Variants in PLBD2 observed in about 807,000 individuals in gnomAD.
The protein encoded by PLBD2 is putative aminopeptidase PLBD2.
A neutral mutation model predicts 68.3 loss-of-function variants in PLBD2; 51 were observed. The ratio of observed to expected loss-of-function variants is 0.75; its 90% CI spans 0.60 to 0.94. PLBD2 has a LOEUF of 0.94. Among genes scored for constraint, PLBD2 ranks in the 40% least tolerant of loss-of-function variants. PLBD2 has a pLI of 0.00. For synonymous variants in PLBD2, 314 were observed against 339.3 expected, an observed-to-expected ratio of 0.93 and a Z score of 0.82; for missense variants, 729 against 792.2, an observed-to-expected ratio of 0.92 and a Z score of 0.96.
intron 11 of PLBD2, 130 bp downstream of exon 11, chr12:113,388,036 G>T: frequency 8.2e-7 from 1 of 1,226,918 alleles, no homozygotes; most frequent in Non-Finnish European, 1.1e-6. Context: ...CTGTGGTTGG[G>T]GTCACAGTAA....
intron 1 of PLBD2, among the ~76,000 whole-genome samples, chr12:113,362,467 CAT>C (rs1340774616): frequency 1.3e-5 from 2 of 151,982 alleles, no homozygotes; most frequent in Non-Finnish European, 1.5e-5. Flanking sequence ...GCCCCCTGCT[CAT>C]ATCAGTGGTC....
chr12:113,372,215 A>T lies in PLBD2; in HGVS notation c.385-434A>T, dbSNP rs554554168. Among the ~76,000 whole-genome samples, 7 of 151,660 alleles carry T rather than the reference A, an allele frequency of 4.6e-5. No homozygotes were observed. Among genetic ancestry groups the T allele is most frequent in the Middle Eastern group, 6.8e-3 (2 of 294 alleles). ...CAGGTGGCATCTCGGTGGGAAGTGC[A>T]GAGGGCCGCATGAAGTCTGGGTGAA... On this transcript the variant is annotated intron_variant, in intron 2 of 11. Transcript: ENST00000280800. This position sits in a 1 kb window ranked among gnomAD's most constrained non-coding sequence, Gnocchi z 4.2.
intron 1 of PLBD2, among the ~76,000 whole-genome samples, chr12:113,364,125 G>A (rs950460988): frequency 1.3e-5 from 2 of 152,234 alleles, no homozygotes; most frequent in East Asian, 3.8e-4. Context: ...CTGTGAAGAA[G>A]GGCCTTTATG....
intron 5 of PLBD2, 85 bp downstream of exon 5, chr12:113,375,092 A>G: frequency 8.0e-7 from 1 of 1,248,606 alleles, no homozygotes; most frequent in Admixed American, 1.9e-5. Context: ...TGGGCCTTGG[A>G]AACCCTCCCA....
Position 113,372,400 on chromosome 12 carries a change from A to G in PLBD2, c.385-249A>G, listed in dbSNP as rs1957397027. Among the ~76,000 whole-genome samples the G allele has an allele frequency of 1.3e-5, 2 of 151,708 alleles. No individual in the cohort carries two copies. The highest frequency in any genetic ancestry group is 2.4e-5 in the African/African-American group (1 of 41,354). ...ACACATATAGATTGGGGTCCCCAGT[A>G]GCAGAGGTGGTGCCATCAGTTATAG... is the stretch of plus-strand genomic sequence containing the variant. On this transcript the variant is annotated intron_variant, in intron 2 of 11. Transcript: ENST00000280800. This position sits in a 1 kb window ranked among gnomAD's most constrained non-coding sequence, Gnocchi z 4.2.
intron 9 of PLBD2, among the ~76,000 whole-genome samples, 188 bp downstream of exon 9, chr12:113,385,471 C>G (rs948488477): frequency 1.6e-4 from 24 of 152,322 alleles, no homozygotes; most frequent in Middle Eastern, 3.4e-3. Context: ...ATCCATGTGA[C>G]CTCTGGTTCT....
rs1019924029 is a variant in PLBD2, at chr12:113,358,881, G to T, written c.281G>T (p.Arg94Leu). Residue 94 changes from arginine (R) to leucine (L), a missense_variant, in exon 1 of 12, where the codon CGC becomes CTC. By Grantham distance (102) the Arg-to-Leu change is moderately radical. Coordinates refer to ENST00000280800, the MANE Select transcript of PLBD2 (RefSeq NM_173542.4). ...TGGGCCAACCTCACCAACGCCATCC[G>T]CGAGACTGGGTAAGGGTTGGCTTAT... ...VAWANLTNAI[R>L]ETGWAFLELG... The T allele has an allele frequency of 4.6e-6, 7 of 1,524,022 alleles. No homozygotes were observed. Among genetic ancestry groups the T allele is most frequent in the African/African-American group, 2.9e-5 (2 of 69,686 alleles). The allele number at this position is 1,524,022 out of a possible 1,614,324, so 94.4% of individuals were successfully genotyped here.
intron 10 of PLBD2, 39 bp downstream of exon 10, chr12:113,387,128 C>T: frequency 6.6e-7 from 1 of 1,524,876 alleles, no homozygotes; most frequent in Non-Finnish European, 8.8e-7. Context: ...GAGAGGGAGG[C>T]CGCAGGAACA....
chr12:113,363,491 G>A (rs1957313614), intron 1 of PLBD2, among the ~76,000 whole-genome samples: 2 of 150,224 alleles, frequency 1.3e-5, no homozygotes, highest in Admixed American at 6.6e-5. Flanking sequence ...GATATGGGAA[G>A]TAAAAGCCTC....
intron 5 of PLBD2, 173 bp downstream of exon 5, chr12:113,375,180 C>G (rs1398370466): frequency 6.2e-6 from 4 of 642,926 alleles, no homozygotes; most frequent in Non-Finnish European, 8.0e-6. Context: ...GGGTCTTGCT[C>G]TGTTGCCCAG....
intron 4 of PLBD2, 75 bp downstream of exon 4, chr12:113,374,649 G>A: frequency 6.8e-7 from 1 of 1,465,580 alleles, no homozygotes; most frequent in Non-Finnish European, 9.4e-7. Flanking sequence ...CTGGGTTCCA[G>A]CATCAACCTT....
At chr12:113,367,213 G>A (rs1957349307) in intron 1 of PLBD2, among the ~76,000 whole-genome samples, 1 of 151,994 alleles carries the variant, frequency 6.6e-6, no homozygotes, top group African/African-American at 2.4e-5. Flanking sequence ...AATGGATAAA[G>A]GACATGAAAC....
intron 3 of PLBD2, among the ~76,000 whole-genome samples, chr12:113,373,934 C>G (rs952347057): frequency 6.7e-6 from 1 of 148,190 alleles, no homozygotes; most frequent in East Asian, 2.0e-4. Context: ...CCCACCCATA[C>G]ATACATACAT....
intron 5 of PLBD2, among the ~76,000 whole-genome samples, chr12:113,377,258 G>A (rs988942470): frequency 1.3e-5 from 2 of 152,066 alleles, no homozygotes; most frequent in Non-Finnish European, 2.9e-5. Context: ...ACAGGAAATC[G>A]TATACACTGT....
intron 1 of PLBD2, among the ~76,000 whole-genome samples, chr12:113,361,758 C>A (rs1179124864): frequency 6.6e-6 from 1 of 152,098 alleles, no homozygotes; most frequent in Non-Finnish European, 1.5e-5. Flanking sequence ...GCAGAGCCTG[C>A]CTCAGTCTAG....
Position 113,384,425 on chromosome 12 carries a change from G to C in PLBD2, c.1118+160G>C, listed in dbSNP as rs775989949. Among the ~76,000 whole-genome samples the C allele has an allele frequency of 6.6e-6, 1 of 152,192 alleles. No individual in the cohort carries two copies. On this transcript the variant is annotated intron_variant, in intron 7 of 11. Coordinates refer to ENST00000280800, the MANE Select transcript of PLBD2 (RefSeq NM_173542.4). This position sits in a 1 kb window ranked among gnomAD's most constrained non-coding sequence, Gnocchi z 4.2. ...GGGAGACTGAGGCTAGGGAAGGAAA[G>C]GATTTGCCCCTCCCCTGCAGGCTCC...
In PLBD2 at chr12:113,375,007, G is replaced by T. The variant is rs748795079; in HGVS notation, c.859G>T (p.Gly287Trp). The stretch of plus-strand genomic sequence containing the variant: ...GCTCCAGTTCCGGGAAGGCCCCTGG[G>T]GTAGGTGGGTGTGGGTGTGTCTGGG... ...YWLQFREGPW[G>W]DYPLVPGNKL... The change falls in exon 5 of 12, where the codon GGG (glycine) becomes TGG (tryptophan). Residue 287 changes from glycine (G) to tryptophan (W), a missense_variant and splice_region_variant. Physicochemically the swap from Gly to Trp is radical, Grantham distance 184. Transcript: ENST00000280800. 1 of 1,614,012 alleles carries T rather than the reference G, an allele frequency of 6.2e-7. No individual in the cohort carries two copies. Among genetic ancestry groups the T allele is most frequent in the Non-Finnish European group, 8.5e-7 (1 of 1,179,984 alleles).
In PLBD2 at chr12:113,358,813, C is replaced by T. The variant is rs1467241599; in HGVS notation, c.213C>T (p.Gly71=). 6.7e-7 allele frequency: 1 copy of T among 1,499,804 alleles called. No individual in the cohort carries two copies. The highest frequency in any genetic ancestry group is 1.5e-5 in the African/African-American group (1 of 68,414). The allele number at this position is 1,499,804 out of a possible 1,614,324, so 92.9% of individuals were successfully genotyped here. ...SRSVLLDVSA[G]QLLMVDGRHP... ...CGGTGCTCCTGGACGTCTCGGCGGG[C>T]CAGCTGCTTATGGTGGACGGACGCC... Residue 71 remains glycine (G), a synonymous_variant, in exon 1 of 12, where the codon GGC becomes GGT. Transcript: ENST00000280800.
At chr12:113,363,539 T>C (rs943141722) in intron 1 of PLBD2, among the ~76,000 whole-genome samples, 36 of 144,314 alleles carry the variant, frequency 2.5e-4, no homozygotes, top group Non-Finnish European at 4.3e-4. Flanking sequence ...ATTTTTAGCT[T>C]TTTTTTTTTT....
Sources: allele counts gnomAD v4.1 joint callset (sites outside exome capture counted in the v4.1 genomes callset), GRCh38; gene constraint gnomAD v4.1.1; non-coding constraint Gnocchi (gnomAD v3.1); transcripts MANE v1.5; gene names NCBI Gene and HGNC (gene_info 2026-07-23, HGNC 2026-07-21).